The following LY96 variants were observed in gnomAD, a reference collection of about 807,000 sequenced individuals.
LY96 encodes the protein myeloid differentiation protein-2.
Under a neutral mutation model 18.9 loss-of-function variants are expected in LY96, and 18 were observed. That is an observed-to-expected ratio of 0.95 (90% CI 0.66 to 1.41). The LOEUF is 1.41. Ranked by LOEUF, LY96 falls within the 40% of genes most tolerant of loss-of-function variation. The probability of loss-of-function intolerance (pLI) is 0.00; values close to 1 mark genes in which losing one functional copy is unlikely to be tolerated. For missense variants in LY96, 175 were observed against 182.4 expected (o/e 0.96, Z 0.23); for synonymous variants, 66 against 62.6 (o/e 1.06, Z -0.26).
At chr8:74,067,965 G>A in the LY96 span, among the ~76,000 whole-genome samples, 622 of 149,418 alleles carry the variant, frequency 4.2e-3, 2 homozygotes, top group Non-Finnish European at 7.0e-3. Flanking sequence ...GGAGGCTGAG[G>A]CAGGAGAATT....
chr8:74,056,358 A>G, the LY96 span: 1 of 349,438 alleles, frequency 2.9e-6, no homozygotes, highest in Non-Finnish European at 5.5e-6. Context: ...CCGGAAGAAG[A>G]TGATGGAAAT....
intron 1 of LY96, among the ~76,000 whole-genome samples, chr8:73,996,389 C>CTTTCTTTCT (rs1563707942): frequency 4.7e-5 from 2 of 42,698 alleles, no homozygotes; most frequent in East Asian, 9.1e-4. Flanking sequence ...TTCTTTCTTT[C>CTTTCTTTCT]TTTCTTTCTT....
At chr8:74,080,345 G>A in the LY96 span, among the ~76,000 whole-genome samples, 7 of 152,114 alleles carry the variant, frequency 4.6e-5, no homozygotes, top group South Asian at 2.1e-4. Context: ...GCTCATGGCC[G>A]TGGTTGAGGA....
intron 1 of LY96, among the ~76,000 whole-genome samples, chr8:74,001,228 A>AT (rs772619244): frequency 0.29 from 40,575 of 140,454 alleles, 6,019 homozygotes; most frequent in Admixed American, 0.35. Flanking sequence ...AAAAAAAAAA[A>AT]TTTTTTTTTT....
chr8:74,025,584 G>A (rs1186916164), intron 3 of LY96, among the ~76,000 whole-genome samples: 1 of 150,862 alleles, frequency 6.6e-6, no homozygotes, highest in Non-Finnish European at 1.5e-5. Flanking sequence ...GAACCCAGGA[G>A]GCGGAGCTTG....
At chr8:74,016,646 C>G (rs1001481860) in intron 3 of LY96, among the ~76,000 whole-genome samples, 6 of 152,204 alleles carry the variant, frequency 3.9e-5, no homozygotes, top group African/African-American at 1.4e-4. Flanking sequence ...TGGTGCCCCT[C>G]TGAGATGAAG....
intron 2 of LY96, among the ~76,000 whole-genome samples, chr8:74,006,100 C>G (rs1816404248): frequency 6.6e-6 from 1 of 152,180 alleles, no homozygotes; most frequent in Non-Finnish European, 1.5e-5. Context: ...TTTTGACACT[C>G]TGTATCTGCA....
rs1816137151 is a variant in LY96, at chr8:73,996,373, C to CTTTCTTTCTTTCTTTCTTTCT, written c.112+4822_112+4842dup. Among the ~76,000 whole-genome samples, 24 of 18,038 alleles carry CTTTCTTTCTTTCTTTCTTTCT rather than the reference C, an allele frequency of 1.3e-3. 1 individual carries two copies. The highest frequency in any genetic ancestry group is 2.6e-3 in the South Asian group (1 of 384). The allele number at this position is 18,038 out of a possible 152,430, so 11.8% of individuals were successfully genotyped here. A position where few individuals can be genotyped will look rare whatever the true frequency, so the allele number is the denominator to read the frequency against. Reference sequence around the variant, plus strand: ...CCTTCCTTCCTTCCTTCCTTCATTCCTTTCTTTCTTTCTTTCTTTCTTTCT... The same window carrying CTTTCTTTCTTTCTTTCTTTCT: ...CCTTCCTTCCTTCCTTCCTTCATTCCTTTCTTTCTTTCTTTCTTTCTTTTCTTTCTTTCTTTCTTTCTTTCT... On this transcript the variant is annotated intron_variant, in intron 1 of 4. Coordinates refer to ENST00000284818, the MANE Select transcript of LY96 (RefSeq NM_015364.5).
chr8:74,026,880 G>A (rs1298364985), intron 4 of LY96, 39 bp downstream of exon 4: 1 of 996,842 alleles, frequency 1.0e-6, no homozygotes, highest in East Asian at 2.4e-5. Flanking sequence ...CTAACCTTTA[G>A]CAGTAATAGA....
the LY96 span, among the ~76,000 whole-genome samples, chr8:74,068,898 A>G: frequency 1.3e-5 from 2 of 152,114 alleles, no homozygotes; most frequent in African/African-American, 2.4e-5. Context: ...GGGTTCCAGC[A>G]ATTCTCATGC....
chr8:74,054,409 T>A, the LY96 span, among the ~76,000 whole-genome samples: 1 of 152,194 alleles, frequency 6.6e-6, no homozygotes, highest in Non-Finnish European at 1.5e-5. Flanking sequence ...TATTATCTTA[T>A]GCAAGTGGTA....
chr8:73,997,383 A>C (rs547214197), intron 1 of LY96, among the ~76,000 whole-genome samples: 24 of 152,262 alleles, frequency 1.6e-4, no homozygotes, highest in African/African-American at 5.1e-4. Flanking sequence ...AAAACCTCTT[A>C]AATTGCCCTC....
At chr8:74,020,310 C>T (rs1256682182) in intron 3 of LY96, among the ~76,000 whole-genome samples, 1 of 152,094 alleles carries the variant, frequency 6.6e-6, no homozygotes, top group African/African-American at 2.4e-5. Flanking sequence ...GAGTGAACTC[C>T]CATTCACAAT....
chr8:74,021,402 G>A (rs888160759), intron 3 of LY96, among the ~76,000 whole-genome samples: 2 of 152,186 alleles, frequency 1.3e-5, no homozygotes, highest in Non-Finnish European at 2.9e-5. Context: ...AAAGGCGATT[G>A]TTAAAAAGTC....
rs149129453 is a variant in LY96, at chr8:74,010,001, G to A, written c.203G>A (p.Arg68Lys). Reference protein sequence around the residue: ...KGLLHIFYIPRRDLKQLYFNL... With the variant: ...KGLLHIFYIPKRDLKQLYFNL... ...CCTAATGGGATTTTTTCTTTTAAAG[G>A]GAGAGATTTAAAGCAATTATATTTC... Residue 68 changes from arginine to lysine, a missense_variant and splice_region_variant, in exon 3 of 5, where the codon AGG (arginine) becomes AAG (lysine). Transcript: ENST00000284818. The A allele has an allele frequency of 3.4e-5, 54 of 1,594,170 alleles. No individual in the cohort carries two copies. The highest frequency in any genetic ancestry group is 1.7e-5 in the Admixed American group (1 of 59,926).
rs895668975 is a variant in LY96, at chr8:74,001,537, AT to A, written c.113-3250del. Among the ~76,000 whole-genome samples, 4 of 151,460 alleles carry A rather than the reference AT, an allele frequency of 2.6e-5. No homozygotes were observed. In the East Asian group the frequency reaches 5.8e-4, roughly 22 times the overall value. ...GAGCCAGCACACTTGGCCTCTACAA[AT>A]TTTTTTTTAATTAAAAACAAAACAA... On this transcript the variant is annotated intron_variant, in intron 1 of 4. Coordinates refer to ENST00000284818, the MANE Select transcript of LY96 (RefSeq NM_015364.5).
At chr8:74,036,255 C>T in the LY96 span, among the ~76,000 whole-genome samples, 8 of 152,188 alleles carry the variant, frequency 5.3e-5, no homozygotes, top group Non-Finnish European at 1.0e-4. Flanking sequence ...TGAAAGTCCA[C>T]AAGATTAGAA....
At chr8:74,093,604 T>C in the LY96 span, among the ~76,000 whole-genome samples, 2 of 152,148 alleles carry the variant, frequency 1.3e-5, no homozygotes, top group Non-Finnish European at 2.9e-5. Context: ...TTGATGTTTT[T>C]AGAGTGAGGC....
the LY96 span, among the ~76,000 whole-genome samples, chr8:74,046,006 C>T: frequency 1.3e-5 from 2 of 152,110 alleles, no homozygotes; most frequent in Admixed American, 6.6e-5. Context: ...AGGCTGGGCA[C>T]GGTGGCTCGT....
Sources: allele counts gnomAD v4.1 joint callset (sites outside exome capture counted in the v4.1 genomes callset), GRCh38; gene constraint gnomAD v4.1.1; transcripts MANE v1.5; gene names NCBI Gene and HGNC (gene_info 2026-07-23, HGNC 2026-07-21).